The following ZNF804A variants were observed in gnomAD, a reference collection of about 807,000 sequenced individuals.
ZNF804A encodes zinc finger protein 804A.
In ZNF804A, 2 loss-of-function variants were observed where a neutral mutation model predicts 16.5. The ratio of observed to expected loss-of-function variants is 0.12; its 90% confidence interval spans 0.05 to 0.38. The LOEUF (loss-of-function observed/expected upper bound fraction) is 0.38, where lower values mean the gene tolerates loss of function less well. Among genes scored for constraint, ZNF804A ranks in the 10% least tolerant of loss-of-function variants. The pLI is 0.99. For synonymous variants in ZNF804A, 534 were observed against 489.6 expected (o/e 1.09, Z -1.20); for missense variants, 1,473 against 1,390.7 (o/e 1.06, Z -0.94).
At chr2:184,681,069 C>A (rs1692530788) in intron 1 of ZNF804A, among the ~76,000 whole-genome samples, 1 of 152,232 alleles carries the variant, frequency 6.6e-6, no homozygotes, top group Non-Finnish European at 1.5e-5. Context: ...CTCACATACC[C>A]CTTGCTGCTA....
chr2:184,934,880 T>C (rs577086601), intron 3 of ZNF804A, among the ~76,000 whole-genome samples: 14 of 152,264 alleles, frequency 9.2e-5, no homozygotes, highest in African/African-American at 3.4e-4. Flanking sequence ...GAAGTCATTC[T>C]GTTACTTAGC....
In ZNF804A at chr2:184,719,041, T is replaced by C. The variant is rs903374580; in HGVS notation, c.111+119971T>C. 5.3e-5 allele frequency among the ~76,000 whole-genome samples: 8 copies of C among 152,218 alleles called. No individual in the cohort carries two copies. The South Asian group carries it at 6.2e-4, about 12-fold the overall frequency. On this transcript the variant is annotated intron_variant, in intron 1 of 3. Transcript: ENST00000302277. ...CCTACAGCAAACTTCTGCCAGGGCATTCAGGCATTTCCGTACATCTTCTGA... is the reference window on the plus strand; with the variant it reads ...CCTACAGCAAACTTCTGCCAGGGCACTCAGGCATTTCCGTACATCTTCTGA...
chr2:184,923,375 C>A (rs954246915), intron 2 of ZNF804A, among the ~76,000 whole-genome samples: 2 of 151,790 alleles, frequency 1.3e-5, no homozygotes, highest in African/African-American at 4.8e-5. Context: ...AAAATTGCTA[C>A]TGATTTTTGT....
chr2:184,758,870 A>T (rs961487019), intron 1 of ZNF804A, among the ~76,000 whole-genome samples: 19 of 151,988 alleles, frequency 1.3e-4, no homozygotes, highest in African/African-American at 4.6e-4. Flanking sequence ...AAAAATACTA[A>T]CTGTTCCACT....
intron 1 of ZNF804A, among the ~76,000 whole-genome samples, chr2:184,722,043 C>T (rs896479698): frequency 2.6e-5 from 4 of 151,690 alleles, no homozygotes; most frequent in Admixed American, 6.6e-5. Flanking sequence ...TTGTTCTCAT[C>T]GAGGTAGAGA....
chr2:184,767,593 T>C (rs778626419), intron 1 of ZNF804A, among the ~76,000 whole-genome samples: 2 of 152,164 alleles, frequency 1.3e-5, no homozygotes, highest in Non-Finnish European at 2.9e-5. Flanking sequence ...TTATGTTACA[T>C]ATATTTGCCA....
chr2:184,661,114 T>C (rs950296407), intron 1 of ZNF804A, among the ~76,000 whole-genome samples: 4 of 152,208 alleles, frequency 2.6e-5, no homozygotes, highest in Non-Finnish European at 2.9e-5. Flanking sequence ...TATATGAAAT[T>C]GGCATTTAGA....
intron 1 of ZNF804A, among the ~76,000 whole-genome samples, chr2:184,773,021 CACAA>C (rs1341132591): frequency 6.8e-6 from 1 of 146,818 alleles, no homozygotes; most frequent in Non-Finnish European, 1.5e-5. Flanking sequence ...TATATACACA[CACAA>C]ATATATATGT....
At chr2:184,825,512 ATATATG>A (rs1216654503) in intron 1 of ZNF804A, among the ~76,000 whole-genome samples, 1 of 152,042 alleles carries the variant, frequency 6.6e-6, no homozygotes, top group Non-Finnish European at 1.5e-5. Flanking sequence ...GTGTGTGTAT[ATATATG>A]TATATGTAAA....
At chr2:184,655,380 T>A (rs1423814354) in intron 1 of ZNF804A, among the ~76,000 whole-genome samples, 8 of 152,106 alleles carry the variant, frequency 5.3e-5, no homozygotes, top group African/African-American at 1.9e-4. Context: ...AACATGGATA[T>A]CCACTAAAAA....
intron 1 of ZNF804A, among the ~76,000 whole-genome samples, chr2:184,825,106 C>T (rs1003557845): frequency 1.3e-5 from 2 of 152,050 alleles, no homozygotes; most frequent in African/African-American, 2.4e-5. Flanking sequence ...ATTTTATGAA[C>T]GAAATTTATG....
chr2:184,762,211 C>CTT (rs35871982), intron 1 of ZNF804A, among the ~76,000 whole-genome samples: 30 of 137,974 alleles, frequency 2.2e-4, no homozygotes, highest in African/African-American at 7.9e-4. Flanking sequence ...CTTTTCTTTT[C>CTT]TTTTTTTTTT....
chr2:184,850,450 A>G (rs1487795925), intron 1 of ZNF804A, among the ~76,000 whole-genome samples: 1 of 151,948 alleles, frequency 6.6e-6, no homozygotes, highest in Admixed American at 6.6e-5. Context: ...GTACTATTGC[A>G]TAGGAAGTAT....
intron 1 of ZNF804A, among the ~76,000 whole-genome samples, chr2:184,733,579 G>T (rs1693557727): frequency 6.6e-6 from 1 of 152,066 alleles, no homozygotes; most frequent in Non-Finnish European, 1.5e-5. Flanking sequence ...TTGTGAATAA[G>T]ATTTTAGAGA....
At chr2:184,923,238 T>C (rs1322999208) in intron 2 of ZNF804A, among the ~76,000 whole-genome samples, 1 of 152,024 alleles carries the variant, frequency 6.6e-6, no homozygotes, top group Admixed American at 6.6e-5. Context: ...ATCAATGTTT[T>C]ATAGTTTTTT....
intron 1 of ZNF804A, among the ~76,000 whole-genome samples, chr2:184,825,653 A>G (rs1387840165): frequency 1.3e-5 from 2 of 152,140 alleles, no homozygotes; most frequent in East Asian, 1.9e-4. Flanking sequence ...TTGGGCAAAC[A>G]GGAAGCTCAG....
chr2:184,736,858 C>CTTT (rs1013724436), intron 1 of ZNF804A, among the ~76,000 whole-genome samples: 110 of 131,164 alleles, frequency 8.4e-4, no homozygotes, highest in African/African-American at 3.0e-3. Context: ...CGTATTTCTT[C>CTTT]TTTTTTTTTT....
At chr2:184,935,694 TATA>T (rs1685772659) in intron 3 of ZNF804A, 86 bp from the exon 4 acceptor site, 6 of 1,413,266 alleles carry the variant, frequency 4.2e-6, no homozygotes, top group Non-Finnish European at 5.6e-6. Context: ...GAAAAAATAT[TATA>T]ATGACTTTTT....
In ZNF804A at chr2:184,702,052, G is replaced by GA. The variant is rs200613914; in HGVS notation, c.111+102986dup. ...TTTATTTTAAAATAAGAGCTAGAAG[G>GA]AAAATCACTCTTTGTAAGCCAGTTG... is the stretch of plus-strand genomic sequence containing the variant. On this transcript the variant is annotated intron_variant, in intron 1 of 3. Coordinates refer to ENST00000302277, the MANE Select transcript of ZNF804A (RefSeq NM_194250.2). Among the ~76,000 whole-genome samples, 648 of 151,658 alleles carry GA rather than the reference G, an allele frequency of 4.3e-3. 6 individuals are homozygous for GA. The highest frequency in any genetic ancestry group is 0.015 in the African/African-American group (615 of 41,432).
Sources: gnomAD v4.1 joint callset for allele counts (sites outside exome capture counted in the v4.1 genomes callset) on GRCh38, gnomAD v4.1.1 for gene constraint, MANE v1.5 for transcripts, NCBI Gene and HGNC (gene_info 2026-07-23, HGNC 2026-07-21) for gene names.